CNTNAP5: variants seen among roughly 807,000 people sequenced by gnomAD.
CNTNAP5 encodes the protein contactin associated protein family member 5, also known as contactin-associated protein-like 5.
CNTNAP5 carries 72 observed loss-of-function variants against 150.2 expected under a neutral mutation model. That is an observed-to-expected ratio of 0.48 (90% CI 0.40 to 0.58). The LOEUF (loss-of-function observed/expected upper bound fraction) is 0.58, where lower values mean the gene tolerates loss of function less well. Ranked by LOEUF, CNTNAP5 falls within the 20% of genes least tolerant of loss-of-function variation. The probability of loss-of-function intolerance (pLI) is 0.00; values close to 1 mark genes in which losing one functional copy is unlikely to be tolerated. For missense variants in CNTNAP5, 1,636 were observed against 1,626.2 expected (o/e 1.01, Z -0.10); for synonymous variants, 672 against 619.8 (o/e 1.08, Z -1.25).
In CNTNAP5 at chr2:124,869,614, G is replaced by A. The variant is rs552104174; in HGVS notation, c.3349-61G>A. On this transcript the variant is annotated intron_variant, in intron 20 of 23. Transcript: ENST00000682447. ...TTTCAAGCTATTTCCAGATGGGATC[G>A]TTTTATGCTTCTTACCTGCAGACCT... The A allele has an allele frequency of 9.8e-5, 109 of 1,107,196 alleles. 5 individuals are homozygous for A. In the Admixed American group the frequency reaches 1.2e-3, roughly 12 times the overall value. 68.6% of individuals were successfully genotyped at this position (1,107,196 alleles called of 1,614,324 possible).
intron 3 of CNTNAP5, among the ~76,000 whole-genome samples, chr2:124,295,793 G>A (rs12615679): frequency 0.35 from 53,658 of 151,980 alleles, 9,662 homozygotes; most frequent in South Asian, 0.51. Context: ...AGAACTGAGG[G>A]TTCCTCCCAA....
intron 21 of CNTNAP5, 62 bp from the exon 22 acceptor site, chr2:124,902,820 C>T: frequency 1.7e-6 from 2 of 1,164,150 alleles, no homozygotes; most frequent in South Asian, 1.5e-5. Flanking sequence ...AAAGAGGACC[C>T]AGCATATAAT....
intron 13 of CNTNAP5, among the ~76,000 whole-genome samples, chr2:124,673,467 A>G (rs1322760046): frequency 1.3e-5 from 2 of 150,826 alleles, no homozygotes; most frequent in Non-Finnish European, 3.0e-5. Flanking sequence ...CCTAGCTCTC[A>G]TCTTGATTTC....
chr2:124,622,118 C>T lies in CNTNAP5; in HGVS notation c.1876+12198C>T, dbSNP rs569884569. 2.4e-4 allele frequency among the ~76,000 whole-genome samples: 36 copies of T among 152,156 alleles called. 1 individual carries two copies. In the South Asian group the frequency reaches 6.9e-3, roughly 29 times the overall value. On this transcript the variant is annotated intron_variant, in intron 12 of 23. Transcript: ENST00000682447. ...ATTCTTCCTGATGCTCTCCCACCCCCGAACCCCCACCCTTTGACAAGCTCC... is the reference window on the plus strand; with the variant it reads ...ATTCTTCCTGATGCTCTCCCACCCCTGAACCCCCACCCTTTGACAAGCTCC...
intron 1 of CNTNAP5, among the ~76,000 whole-genome samples, chr2:124,183,141 T>C (rs148082842): frequency 2.1e-3 from 314 of 152,318 alleles, no homozygotes; most frequent in African/African-American, 5.4e-3. Flanking sequence ...TTCTTCTCTA[T>C]GGACATTAAT....
intron 3 of CNTNAP5, among the ~76,000 whole-genome samples, chr2:124,307,486 T>C (rs1010860388): frequency 1.3e-5 from 2 of 152,214 alleles, no homozygotes; most frequent in African/African-American, 4.8e-5. Flanking sequence ...CTAGAACTCA[T>C]CTTGCTGGGC....
At chr2:124,670,133 T>TTCC (rs1678782839) in intron 13 of CNTNAP5, among the ~76,000 whole-genome samples, 20 of 112,508 alleles carry the variant, frequency 1.8e-4, no homozygotes, top group African/African-American at 5.9e-4. Flanking sequence ...TCCTTCCTTC[T>TTCC]TTCCTTCCTT....
intron 13 of CNTNAP5, among the ~76,000 whole-genome samples, chr2:124,713,315 TTTCC>T (rs746657800): frequency 1.0e-4 from 10 of 96,672 alleles, no homozygotes; most frequent in East Asian, 3.4e-4. Context: ...TTTCTCTTTC[TTTCC>T]TTTCTTTCTT....
Position 124,423,508 on chromosome 2 carries a change from C to CTTTA in CNTNAP5, c.529+5934_529+5937dup, listed in dbSNP as rs903985358. 1.7e-3 allele frequency among the ~76,000 whole-genome samples: 254 copies of CTTTA among 152,100 alleles called. 1 individual carries two copies. The highest frequency in any genetic ancestry group is 1.5e-3 in the Non-Finnish European group (104 of 67,986). ...TCTTTAAATATGGGAAGCTAATTAA[C>CTTTA]TTTATTTATTTATTTATTTTTTGTA... is the stretch of plus-strand genomic sequence containing the variant. On this transcript the variant is annotated intron_variant, in intron 4 of 23. Transcript: ENST00000682447.
chr2:124,887,277 C>T (rs1029572634), intron 21 of CNTNAP5, among the ~76,000 whole-genome samples: 4 of 152,008 alleles, frequency 2.6e-5, no homozygotes, highest in African/African-American at 4.8e-5. Flanking sequence ...GAAACATGGG[C>T]CTTTGTGCTT....
chr2:124,675,808 C>G (rs957699975), intron 13 of CNTNAP5, among the ~76,000 whole-genome samples: 13 of 152,108 alleles, frequency 8.5e-5, no homozygotes, highest in African/African-American at 2.9e-4. Context: ...TTTATTTGAA[C>G]ATATTTATGA....
intron 2 of CNTNAP5, among the ~76,000 whole-genome samples, chr2:124,228,587 A>G (rs768442124): frequency 3.9e-5 from 6 of 152,216 alleles, no homozygotes; most frequent in Non-Finnish European, 5.9e-5. Context: ...AAACCAAATG[A>G]CATGTGCATT....
chr2:124,307,380 T>C (rs948038194), intron 3 of CNTNAP5, among the ~76,000 whole-genome samples: 2 of 152,136 alleles, frequency 1.3e-5, no homozygotes, highest in Non-Finnish European at 2.9e-5. Flanking sequence ...ACCATTACAC[T>C]GGGGATTAGA....
chr2:124,172,831 T>C (rs1316478886), intron 1 of CNTNAP5, among the ~76,000 whole-genome samples: 1 of 152,036 alleles, frequency 6.6e-6, no homozygotes, highest in Non-Finnish European at 1.5e-5. Context: ...GCATAAATTG[T>C]TTGCACAGTA....
intron 10 of CNTNAP5, among the ~76,000 whole-genome samples, chr2:124,532,086 G>A (rs1008305915): frequency 7.2e-5 from 11 of 152,280 alleles, no homozygotes; most frequent in Admixed American, 2.0e-4. Flanking sequence ...AGTGTGTCCA[G>A]TGTAGCATTA....
At chr2:124,720,440 G>A (rs1318900945) in intron 13 of CNTNAP5, among the ~76,000 whole-genome samples, 1 of 152,062 alleles carries the variant, frequency 6.6e-6, no homozygotes, top group African/African-American at 2.4e-5. Flanking sequence ...ATTCTGCTCT[G>A]ATGAGTTTAA....
At chr2:124,609,654 G>A in intron 11 of CNTNAP5, 147 bp from the exon 12 acceptor site, 1 of 669,438 alleles carries the variant, frequency 1.5e-6, no homozygotes. Context: ...ACTGGTACTG[G>A]TGTGTTAAGG....
At chr2:124,478,499 C>T (rs532725664) in intron 7 of CNTNAP5, among the ~76,000 whole-genome samples, 2 of 152,132 alleles carry the variant, frequency 1.3e-5, no homozygotes, top group East Asian at 1.9e-4. Flanking sequence ...AGTGAGAATT[C>T]GTATCACTAT....
intron 12 of CNTNAP5, among the ~76,000 whole-genome samples, chr2:124,619,842 CATATATATATATATATATAT>C (rs58774096): frequency 0.015 from 1,506 of 98,450 alleles, 19 homozygotes; most frequent in Non-Finnish European, 0.021. Context: ...CTGTCTCATT[CATATATATATATATATATAT>C]ATATATATAT....
Sources: allele counts gnomAD v4.1 joint callset (sites outside exome capture counted in the v4.1 genomes callset), GRCh38; gene constraint gnomAD v4.1.1; transcripts MANE v1.5; gene names NCBI Gene and HGNC (gene_info 2026-07-23, HGNC 2026-07-21).